GRB10: variants seen among roughly 807,000 people sequenced by gnomAD.
The protein encoded by GRB10 is growth factor receptor bound protein 10, also known as growth factor receptor-bound protein 10.
In GRB10, 20 loss-of-function variants were observed where a neutral mutation model predicts 80.9. The observed-to-expected ratio is 0.25, with a 90% CI of 0.17 to 0.36. The LOEUF (loss-of-function observed/expected upper bound fraction) is 0.36, where lower values mean the gene tolerates loss of function less well. Ranked by LOEUF, GRB10 falls within the 10% of genes least tolerant of loss-of-function variation. The pLI, the probability that GRB10 is intolerant of heterozygous loss-of-function variation, is 1.00. For missense variants in GRB10, 548 were observed against 747.7 expected (o/e 0.73, Z 3.12); for synonymous variants, 291 against 291.5 (o/e 1.00, Z 0.02).
intron 13 of GRB10, among the ~76,000 whole-genome samples, chr7:50,608,800 A>G (rs1011872197): frequency 6.6e-6 from 1 of 152,094 alleles, no homozygotes; most frequent in Non-Finnish European, 1.5e-5. Flanking sequence ...CCCTGTCTCT[A>G]TAAAAAATAC....
At chr7:50,615,944 G>A (rs1358014961) in intron 11 of GRB10, among the ~76,000 whole-genome samples, 1 of 152,254 alleles carries the variant, frequency 6.6e-6, no homozygotes, top group African/African-American at 2.4e-5. Flanking sequence ...GGGGCAGCCA[G>A]GGGTGTCTGC....
chr7:50,758,816 A>G (rs1302216832), intron 2 of GRB10, among the ~76,000 whole-genome samples: 1 of 152,240 alleles, frequency 6.6e-6, no homozygotes, highest in Non-Finnish European at 1.5e-5. Context: ...TAAAAGGAAC[A>G]TTTCTAAAAA....
At chr7:50,661,030 A>C (rs933433865) in intron 7 of GRB10, among the ~76,000 whole-genome samples, 4 of 152,224 alleles carry the variant, frequency 2.6e-5, no homozygotes, top group South Asian at 2.1e-4. Context: ...AGCGGGTGGA[A>C]GGGGCTAAAG....
Position 50,666,913 on chromosome 7 carries a change from G to A in GRB10, c.504+2809C>T, listed in dbSNP as rs982381021. On this transcript the variant is annotated intron_variant, in intron 7 of 18. Transcript: ENST00000401949. ...AAATTAGCCGGGCGTGGTGGCGGGC[G>A]CCTGTAGTCCCAGCTACTCAGGAGG... 7.2e-5 allele frequency among the ~76,000 whole-genome samples: 11 copies of A among 151,954 alleles called. No homozygotes were observed. The South Asian group carries it at 1.0e-3, about 14-fold the overall frequency.
rs1190176396 is a variant in GRB10 at position 50,697,000 on chromosome 7, G to A, written c.139+6821C>T. ...TGGCCTTCAAAAGGAAGGAAATTCT[G>A]GCACATGCTACAACATGGGTGAACC... On this transcript the variant is annotated intron_variant, in intron 5 of 18. Coordinates refer to ENST00000401949, the MANE Select transcript of GRB10 (RefSeq NM_001350814.2). Among the ~76,000 whole-genome samples the A allele has an allele frequency of 2.0e-5, 3 of 152,214 alleles. No individual in the cohort carries two copies. The East Asian group carries it at 5.8e-4, about 29-fold the overall frequency.
chr7:50,672,221 G>A (rs1343295129), intron 6 of GRB10, among the ~76,000 whole-genome samples: 1 of 152,142 alleles, frequency 6.6e-6, no homozygotes, highest in Non-Finnish European at 1.5e-5. Context: ...CTGCAGCGTG[G>A]ACCATGCTCC....
chr7:50,635,904 A>T (rs1458563487), intron 7 of GRB10, among the ~76,000 whole-genome samples: 27 of 45,920 alleles, frequency 5.9e-4, no homozygotes, highest in Admixed American at 5.2e-3. Context: ...TCTTCCAATA[A>T]AAAAAAAAAA....
intron 7 of GRB10, among the ~76,000 whole-genome samples, chr7:50,666,609 C>T (rs562712654): frequency 1.3e-5 from 2 of 152,276 alleles, no homozygotes; most frequent in South Asian, 2.1e-4. Flanking sequence ...TCCCAGCACG[C>T]GGGCCAGGGG....
At chr7:50,729,598 G>T (rs1371941269) in intron 4 of GRB10, among the ~76,000 whole-genome samples, 1 of 152,088 alleles carries the variant, frequency 6.6e-6, no homozygotes, top group Non-Finnish European at 1.5e-5. Context: ...CCACTTCCCA[G>T]GCAGACCCTG....
intron 7 of GRB10, among the ~76,000 whole-genome samples, chr7:50,654,567 G>T (rs552281414): frequency 8.5e-5 from 13 of 152,280 alleles, no homozygotes; most frequent in East Asian, 1.9e-4. Flanking sequence ...GCACATTTTT[G>T]ATTCTAAGCA....
At chr7:50,650,000 T>A (rs1404290152) in intron 7 of GRB10, among the ~76,000 whole-genome samples, 1 of 152,140 alleles carries the variant, frequency 6.6e-6, no homozygotes, top group Non-Finnish European at 1.5e-5. Flanking sequence ...AGAGATGGCA[T>A]CTGACGGCAT....
chr7:50,613,039 C>A (rs931049477), intron 12 of GRB10, among the ~76,000 whole-genome samples, 200 bp from the exon 13 acceptor site: 6 of 152,186 alleles, frequency 3.9e-5, no homozygotes, highest in African/African-American at 1.2e-4. Context: ...TAAGTGCCTA[C>A]CATGGACTGG....
intron 4 of GRB10, 33 bp downstream of exon 4, chr7:50,732,239 G>A (rs759693872): frequency 3.2e-5 from 51 of 1,610,148 alleles, no homozygotes; most frequent in African/African-American, 5.3e-5. Flanking sequence ...CAGCACCATC[G>A]GGCCAGGATC....
At chr7:50,694,071 G>A (rs2063149496) in intron 5 of GRB10, among the ~76,000 whole-genome samples, 1 of 152,114 alleles carries the variant, frequency 6.6e-6, no homozygotes, top group South Asian at 2.1e-4. Context: ...CTGCAATCCT[G>A]GCTCATGCCT....
At chr7:50,651,513 A>AC (rs2058006543) in intron 7 of GRB10, among the ~76,000 whole-genome samples, 1 of 152,158 alleles carries the variant, frequency 6.6e-6, no homozygotes, top group Non-Finnish European at 1.5e-5. Context: ...CTCCAGTACG[A>AC]CCTCATCTTG....
chr7:50,616,896 G>A (rs920393410), intron 10 of GRB10, among the ~76,000 whole-genome samples: 1 of 152,230 alleles, frequency 6.6e-6, no homozygotes, highest in Non-Finnish European at 1.5e-5. Flanking sequence ...TTTCATCAAA[G>A]GGAAGACAGG....
intron 7 of GRB10, among the ~76,000 whole-genome samples, chr7:50,644,443 A>G (rs748039688): frequency 7.2e-5 from 11 of 151,938 alleles, no homozygotes; most frequent in Non-Finnish European, 1.6e-4. Context: ...TTGTATTGGA[A>G]GCCCAAAAGC....
chr7:50,592,584 C>A lies in GRB10; in HGVS notation c.*368G>T. 1 of 304,782 alleles carries A rather than the reference C, an allele frequency of 3.3e-6. No individual in the cohort carries two copies. Among genetic ancestry groups the A allele is most frequent in the Non-Finnish European group, 6.3e-6 (1 of 158,102 alleles). The allele number at this position is 304,782 out of a possible 1,614,324, so 18.9% of individuals were successfully genotyped here. ...AAGTGATCAATACAAAAAAAGTAAACATATCAGTTTTAATTGTCAAGATTA... is the reference window on the plus strand; with the variant it reads ...AAGTGATCAATACAAAAAAAGTAAAAATATCAGTTTTAATTGTCAAGATTA... On this transcript the variant is annotated 3_prime_UTR_variant, in exon 19 of 19. Transcript: ENST00000401949.
chr7:50,678,204 A>G (rs915715722), intron 5 of GRB10, among the ~76,000 whole-genome samples: 3 of 152,214 alleles, frequency 2.0e-5, no homozygotes, highest in East Asian at 1.9e-4. Flanking sequence ...GTCATTATTC[A>G]AAGTAAATAT....
Sources: gnomAD v4.1 joint callset for allele counts (sites outside exome capture counted in the v4.1 genomes callset) on GRCh38, gnomAD v4.1.1 for gene constraint, MANE v1.5 for transcripts, NCBI Gene and HGNC (gene_info 2026-07-23, HGNC 2026-07-21) for gene names.